GLI2: variants seen among roughly 807,000 people sequenced by gnomAD.
The protein encoded by GLI2 is transcription activator GLI2.
GLI2 carries 22 observed loss-of-function variants against 78.9 expected under a neutral mutation model. The observed-to-expected ratio is 0.28, with a 90% CI of 0.20 to 0.40. The LOEUF (loss-of-function observed/expected upper bound fraction) is 0.40, where lower values mean the gene tolerates loss of function less well. GLI2 is among the 10% of genes least tolerant of loss of function. GLI2 has a pLI of 1.00. For synonymous variants in GLI2, 974 were observed against 963.7 expected (o/e 1.01, Z -0.20); for missense variants, 2,097 against 2,213.2 (o/e 0.95, Z 1.05).
intron 2 of GLI2, among the ~76,000 whole-genome samples, chr2:120,808,947 G>A (rs1329059429): frequency 3.3e-5 from 5 of 152,202 alleles, no homozygotes; most frequent in African/African-American, 1.2e-4. Context: ...GCGCCCACAT[G>A]CCTGGCCCCC....
chr2:120,850,150 GC>G (rs1392587263), intron 2 of GLI2, among the ~76,000 whole-genome samples: 1 of 146,136 alleles, frequency 6.8e-6, no homozygotes, highest in Non-Finnish European at 1.5e-5. Context: ...CAAGAAAATT[GC>G]CTGGATCAGG....
chr2:120,893,326 G>A (rs1041972974), intron 2 of GLI2, among the ~76,000 whole-genome samples: 3 of 145,658 alleles, frequency 2.1e-5, no homozygotes, highest in Admixed American at 6.8e-5. Flanking sequence ...GCCCCTGCCC[G>A]CCCCCCAGCC....
chr2:120,884,011 C>G (rs1408034310), intron 2 of GLI2, among the ~76,000 whole-genome samples: 1 of 152,278 alleles, frequency 6.6e-6, no homozygotes, highest in East Asian at 1.9e-4. Flanking sequence ...TGTTCCTGCT[C>G]ATACTTTTGC....
intron 11 of GLI2, among the ~76,000 whole-genome samples, chr2:120,983,371 C>T (rs1431707033): frequency 6.6e-6 from 1 of 152,208 alleles, no homozygotes. Context: ...GATGATCCCT[C>T]TGCAGCTGTG....
At chr2:120,962,343 C>T (rs1262615955) in intron 5 of GLI2, among the ~76,000 whole-genome samples, 2 of 152,168 alleles carry the variant, frequency 1.3e-5, no homozygotes, top group East Asian at 1.9e-4. Flanking sequence ...CCTGGTGCCT[C>T]GGAGTACTGT....
intron 2 of GLI2, among the ~76,000 whole-genome samples, chr2:120,799,310 A>G (rs112302723): frequency 1.3e-5 from 2 of 152,250 alleles, no homozygotes; most frequent in African/African-American, 4.8e-5. Flanking sequence ...GTCTGATCGC[A>G]GGGTGGCTTG....
chr2:120,944,592 C>T (rs558863094), intron 3 of GLI2, among the ~76,000 whole-genome samples: 64 of 152,364 alleles, frequency 4.2e-4, no homozygotes, highest in African/African-American at 1.4e-3. Flanking sequence ...CCAAGCCAAC[C>T]TTCTCGAGAA....
intron 2 of GLI2, among the ~76,000 whole-genome samples, chr2:120,813,487 A>C (rs746072845): frequency 2.0e-5 from 3 of 152,184 alleles, no homozygotes; most frequent in Non-Finnish European, 1.5e-5. Context: ...TGGGAGAGGG[A>C]GAGCCAAGCT....
At chr2:120,952,918 C>T (rs1219945529) in intron 4 of GLI2, among the ~76,000 whole-genome samples, 1 of 152,224 alleles carries the variant, frequency 6.6e-6, no homozygotes, top group African/African-American at 2.4e-5. Flanking sequence ...CCAGAGTCTG[C>T]CTGGCTCACA....
intron 2 of GLI2, among the ~76,000 whole-genome samples, chr2:120,899,642 T>C (rs1022433158): frequency 1.3e-5 from 2 of 152,216 alleles, no homozygotes; most frequent in African/African-American, 4.8e-5. Flanking sequence ...CAGAAGGCCC[T>C]GTTCAGCCCT....
At chr2:120,783,277 A>C (rs1035814604) in intron 1 of GLI2, among the ~76,000 whole-genome samples, 1 of 152,104 alleles carries the variant, frequency 6.6e-6, no homozygotes, top group Admixed American at 6.5e-5. Context: ...CTCATGTGGC[A>C]CCCTGGCTTC....
intron 4 of GLI2, chr2:120,951,724 C>A: frequency 2.7e-6 from 1 of 369,718 alleles, no homozygotes; most frequent in South Asian, 9.1e-5. Flanking sequence ...TAGCTGAGAA[C>A]CACTGGTTGT....
At chr2:120,740,009 A>G (rs1224614562) in intron 1 of GLI2, among the ~76,000 whole-genome samples, 1 of 152,218 alleles carries the variant, frequency 6.6e-6, no homozygotes, top group East Asian at 1.9e-4. Context: ...GGCACCTTCA[A>G]CACTTTTCTG....
intron 2 of GLI2, among the ~76,000 whole-genome samples, chr2:120,925,078 C>T (rs1002554655): frequency 3.3e-5 from 5 of 152,186 alleles, no homozygotes; most frequent in Admixed American, 1.3e-4. Flanking sequence ...CTGGTGGTCC[C>T]GTCACAGCCA....
intron 10 of GLI2, among the ~76,000 whole-genome samples, chr2:120,980,104 A>G (rs970673198): frequency 6.6e-6 from 1 of 152,230 alleles, no homozygotes; most frequent in Admixed American, 6.5e-5. Flanking sequence ...TGCTATGAAC[A>G]TGTGCGTTCA....
At chr2:120,768,500 C>T (rs987507796) in intron 1 of GLI2, among the ~76,000 whole-genome samples, 12 of 152,228 alleles carry the variant, frequency 7.9e-5, no homozygotes, top group Admixed American at 1.3e-4. Flanking sequence ...CTGCTGGGAA[C>T]AGAAGGGGCT....
chr2:120,919,410 C>T (rs542018322), intron 2 of GLI2, among the ~76,000 whole-genome samples: 22 of 152,366 alleles, frequency 1.4e-4, no homozygotes, highest in South Asian at 6.2e-4. Flanking sequence ...CCCGACCCGA[C>T]GCAGAGCAGG....
At chr2:120,923,186 C>T (rs1679470905) in intron 2 of GLI2, among the ~76,000 whole-genome samples, 1 of 151,142 alleles carries the variant, frequency 6.6e-6, no homozygotes, top group Non-Finnish European at 1.5e-5. Context: ...TCCACATACA[C>T]ACAGCAACAC....
intron 2 of GLI2, among the ~76,000 whole-genome samples, chr2:120,818,602 C>G (rs1685616915): frequency 6.6e-6 from 1 of 152,172 alleles, no homozygotes; most frequent in African/African-American, 2.4e-5. Flanking sequence ...AACCCCACTC[C>G]CAACACGAAT....
Sources: allele counts gnomAD v4.1 joint callset (sites outside exome capture counted in the v4.1 genomes callset), GRCh38; gene constraint gnomAD v4.1.1; transcripts MANE v1.5; gene names NCBI Gene and HGNC (gene_info 2026-07-23, HGNC 2026-07-21).